CCDC73: variants seen among roughly 807,000 people sequenced by gnomAD.
The protein encoded by CCDC73 is coiled-coil domain-containing protein 73.
CCDC73 carries 95 observed loss-of-function variants against 116.5 expected under a neutral mutation model. The ratio of observed to expected loss-of-function variants is 0.82; its 90% CI spans 0.69 to 0.97. CCDC73 has a LOEUF of 0.97. CCDC73 is among the 50% of genes least tolerant of loss of function. CCDC73 has a pLI of 0.00. For missense variants in CCDC73, 1,066 were observed against 1,206.8 expected, an observed-to-expected ratio of 0.88 and a Z score of 1.73; for synonymous variants, 398 against 401.3, an observed-to-expected ratio of 0.99 and a Z score of 0.10.
At chr11:32,631,481 A>G (rs950999445) in intron 14 of CCDC73, among the ~76,000 whole-genome samples, 4 of 152,188 alleles carry the variant, frequency 2.6e-5, no homozygotes, top group African/African-American at 4.8e-5. Context: ...CATATTTCCA[A>G]TGGGTGATAC....
At chr11:32,787,658 A>G (rs933849985) in intron 1 of CCDC73, among the ~76,000 whole-genome samples, 3 of 152,172 alleles carry the variant, frequency 2.0e-5, no homozygotes, top group African/African-American at 4.8e-5. Context: ...TCCTTCATAC[A>G]TAATTATTAA....
At chr11:32,641,068 A>C (rs1431182529) in intron 13 of CCDC73, among the ~76,000 whole-genome samples, 2 of 152,096 alleles carry the variant, frequency 1.3e-5, no homozygotes, top group Non-Finnish European at 2.9e-5. Context: ...TTTCAAGTGA[A>C]TCAAATCAAG....
chr11:32,722,014 C>T (rs79498779), intron 2 of CCDC73, among the ~76,000 whole-genome samples: 4,546 of 152,152 alleles, frequency 0.03, 88 homozygotes, highest in Non-Finnish European at 0.039. Flanking sequence ...CGTTTTTAGC[C>T]GCAAGTAACA....
intron 2 of CCDC73, among the ~76,000 whole-genome samples, chr11:32,730,172 T>C (rs1439200727): frequency 6.6e-6 from 1 of 152,250 alleles, no homozygotes; most frequent in Non-Finnish European, 1.5e-5. Context: ...GACAGAAGAA[T>C]GTTGTGGTAG....
chr11:32,656,187 T>C (rs1391969791), intron 9 of CCDC73, among the ~76,000 whole-genome samples: 3 of 151,968 alleles, frequency 2.0e-5, no homozygotes, highest in Non-Finnish European at 4.4e-5. Flanking sequence ...GTGCCATTCT[T>C]CTGCCTCAGC....
chr11:32,631,851 G>A (rs2133238935), intron 14 of CCDC73, among the ~76,000 whole-genome samples: 1 of 152,096 alleles, frequency 6.6e-6, no homozygotes, highest in African/African-American at 2.4e-5. Flanking sequence ...TCTTTCAATA[G>A]ACATATAGGC....
chr11:32,776,925 TAAAAAAA>T (rs747492382), intron 1 of CCDC73, among the ~76,000 whole-genome samples: 1 of 127,008 alleles, frequency 7.9e-6, no homozygotes, highest in East Asian at 2.1e-4. Context: ...AGAGTATGGT[TAAAAAAA>T]AAAAATATAT....
Position 32,652,959 on chromosome 11 carries a change from C to T in CCDC73, c.939+164G>A, listed in dbSNP as rs563643366. Among the ~76,000 whole-genome samples the T allele has an allele frequency of 1.8e-4, 28 of 152,214 alleles. No homozygotes were observed. In the South Asian group the frequency reaches 4.6e-3, roughly 25 times the overall value. On this transcript the variant is annotated intron_variant, in intron 12 of 17. Coordinates refer to ENST00000335185, the MANE Select transcript of CCDC73 (RefSeq NM_001008391.4). ...AAATGTGAATAATATATGTTCATTA[C>T]TTTAGACACTGAAAACAAGTTGAAG...
chr11:32,763,729 A>G (rs1401584166), intron 1 of CCDC73, among the ~76,000 whole-genome samples: 1 of 152,268 alleles, frequency 6.6e-6, no homozygotes, highest in Admixed American at 6.5e-5. Context: ...AACGGAACGC[A>G]GCTCCTCGCC....
intron 7 of CCDC73, chr11:32,682,501 T>G (rs1856155870): frequency 6.6e-6 from 1 of 151,972 alleles, no homozygotes; most frequent in Non-Finnish European, 1.5e-5. Context: ...GCAAAATACT[T>G]TATGTTTTTC....
chr11:32,618,854 T>C (rs781350397), intron 14 of CCDC73, among the ~76,000 whole-genome samples: 7 of 152,130 alleles, frequency 4.6e-5, no homozygotes, highest in Admixed American at 2.0e-4. Context: ...GCCCAGCCTC[T>C]TCTTTTTTTA....
chr11:32,655,370 A>G (rs1855862419), intron 9 of CCDC73, among the ~76,000 whole-genome samples: 2 of 152,236 alleles, frequency 1.3e-5, no homozygotes, highest in Non-Finnish European at 2.9e-5. Context: ...CAATGTAATG[A>G]GTGCTATATT....
At chr11:32,807,743 A>T in the CCDC73 span, among the ~76,000 whole-genome samples, 2 of 152,214 alleles carry the variant, frequency 1.3e-5, no homozygotes, top group Non-Finnish European at 2.9e-5. Context: ...TCTGTCCTGC[A>T]CTGTAGCAAG....
chr11:32,625,547 T>C (rs550455860), intron 14 of CCDC73, among the ~76,000 whole-genome samples: 35 of 152,252 alleles, frequency 2.3e-4, no homozygotes, highest in African/African-American at 8.4e-4. Context: ...GAAGCTTAGT[T>C]TGGCTGGATA....
chr11:32,763,379 T>A lies in CCDC73; in HGVS notation c.-15-3121A>T, dbSNP rs1326755010. Among the ~76,000 whole-genome samples the A allele has an allele frequency of 2.6e-5, 4 of 152,162 alleles. 1 individual carries two copies. The East Asian group carries it at 7.7e-4, about 29-fold the overall frequency. On this transcript the variant is annotated intron_variant, in intron 1 of 17. Transcript: ENST00000335185. The stretch of plus-strand genomic sequence containing the variant: ...CAGACTGATACCTCACATGGCCGGG[T>A]ACCCCTCTGAGACAAACCTTCCAGA...
intron 2 of CCDC73, among the ~76,000 whole-genome samples, chr11:32,753,114 T>C (rs1850300903): frequency 6.6e-6 from 1 of 151,956 alleles, no homozygotes; most frequent in Admixed American, 6.6e-5. Flanking sequence ...GCCTGGCCAG[T>C]CACTTTTTTT....
chr11:32,605,239 G>T (rs1279631676), intron 17 of CCDC73: 1 of 149,934 alleles, frequency 6.7e-6, no homozygotes. Context: ...GTTCCTTTTG[G>T]ATTGCTCTGT....
In CCDC73 at chr11:32,697,481, CTTTTTT is replaced by C. The variant is rs771837421; in HGVS notation, c.390+1764_390+1769del. 2.8e-5 allele frequency among the ~76,000 whole-genome samples: 3 copies of C among 108,780 alleles called. No individual in the cohort carries two copies. In the East Asian group the frequency reaches 8.4e-4, roughly 30 times the overall value. 71.4% of individuals were successfully genotyped at this position (108,780 alleles called of 152,430 possible). A position where few individuals can be genotyped will look rare whatever the true frequency, so the allele number is the denominator to read the frequency against. On this transcript the variant is annotated intron_variant, in intron 6 of 17. Transcript: ENST00000335185. The stretch of plus-strand genomic sequence containing the variant: ...CACTTGGTTGTTATATCTCTTTATT[CTTTTTT>C]TTTTTTTTTTTTTTGAGATGGAGTC...
intron 2 of CCDC73, among the ~76,000 whole-genome samples, chr11:32,757,754 T>C (rs1298910534): frequency 6.6e-6 from 1 of 152,216 alleles, no homozygotes; most frequent in Non-Finnish European, 1.5e-5. Flanking sequence ...TTAGTTCCAC[T>C]ATCACATCTC....
Sources: gnomAD v4.1 joint callset for allele counts (sites outside exome capture counted in the v4.1 genomes callset) on GRCh38, gnomAD v4.1.1 for gene constraint, MANE v1.5 for transcripts, NCBI Gene and HGNC (gene_info 2026-07-23, HGNC 2026-07-21) for gene names.